ACE: variants seen among roughly 807,000 people sequenced by gnomAD.
ACE encodes angiotensin I converting enzyme.
ACE carries 122 observed loss-of-function variants against 162.3 expected under a neutral mutation model. That is an observed-to-expected ratio of 0.75 (90% CI 0.65 to 0.87). ACE has a LOEUF of 0.87. Ranked by LOEUF, ACE falls within the 40% of genes least tolerant of loss-of-function variation. ACE has a pLI of 0.00. For missense variants in ACE, 1,799 were observed against 1,735.1 expected, an observed-to-expected ratio of 1.04 and a Z score of -0.65; for synonymous variants, 796 against 720.6, an observed-to-expected ratio of 1.10 and a Z score of -1.68.
chr17:63,479,331 C>T (rs2049670003), intron 3 of ACE, among the ~76,000 whole-genome samples: 3 of 152,176 alleles, frequency 2.0e-5, no homozygotes, highest in Non-Finnish European at 4.4e-5. Context: ...ACCTCGGCCT[C>T]TCCCATCACC....
intron 15 of ACE, among the ~76,000 whole-genome samples, chr17:63,487,703 C>T (rs908697052): frequency 3.3e-5 from 5 of 152,162 alleles, no homozygotes; most frequent in African/African-American, 1.2e-4. Flanking sequence ...CAAGGACCCG[C>T]ACACAGATAC....
chr17:63,477,433 C>T lies in ACE; in HGVS notation c.249+90C>T, dbSNP rs1348340001. 5.6e-6 allele frequency: 6 copies of T among 1,067,500 alleles called. No individual in the cohort carries two copies. In the East Asian group the frequency reaches 2.4e-4, roughly 42 times the overall value. 66.1% of individuals were successfully genotyped at this position (1,067,500 alleles called of 1,614,324 possible). A position where few individuals can be genotyped will look rare whatever the true frequency, so the allele number is the denominator to read the frequency against. The stretch of plus-strand genomic sequence containing the variant: ...GCTTGTGGGGCGGGCAGGCTGGCGC[C>T]CCCGACCCGAACCCCACCCCGACCC... On this transcript the variant is annotated intron_variant, in intron 1 of 24. Transcript: ENST00000290866.
intron 15 of ACE, 66 bp downstream of exon 15, chr17:63,487,139 T>C: frequency 1.4e-6 from 2 of 1,403,898 alleles, no homozygotes; most frequent in Non-Finnish European, 2.0e-6. Flanking sequence ...CCGGGGGTGC[T>C]GGGTGAGAGC....
intron 1 of ACE, 150 bp from the exon 2 acceptor site, chr17:63,477,781 G>A: frequency 1.1e-6 from 1 of 931,866 alleles, no homozygotes; most frequent in Non-Finnish European, 1.6e-6. Flanking sequence ...CGCGGCTTCC[G>A]CAAACTAAGG....
Position 63,479,926 on chromosome 17 carries a change from T to C in ACE, c.655+14T>C. The C allele has an allele frequency of 1.2e-6, 2 of 1,603,528 alleles. No individual in the cohort carries two copies. The highest frequency in any genetic ancestry group is 1.7e-6 in the Non-Finnish European group (2 of 1,177,788). On this transcript the variant is annotated intron_variant, in intron 4 of 24. Transcript: ENST00000290866. Reference sequence around the variant, plus strand: ...ACAAGCAGGACGGTGAGCAGGCCTCTCCCTGTCCAGGAACCACGCCAGGTG... The same window carrying C: ...ACAAGCAGGACGGTGAGCAGGCCTCCCCCTGTCCAGGAACCACGCCAGGTG...
rs773921447 is a variant in ACE, at chr17:63,480,551, A to G, written c.847+23A>G. ...TGGGTAAGGACCTGGCCTCGCCTCCACATGAGTCCCACGGAAGTGTGGGTC... is the reference window on the plus strand; with the variant it reads ...TGGGTAAGGACCTGGCCTCGCCTCCGCATGAGTCCCACGGAAGTGTGGGTC... On this transcript the variant is annotated intron_variant, in intron 5 of 24. Transcript: ENST00000290866. 2.5e-6 allele frequency: 4 copies of G among 1,612,820 alleles called. No individual in the cohort carries two copies. The South Asian group carries it at 4.4e-5, about 18-fold the overall frequency.
At chr17:63,481,395 C>T (rs540195309) in intron 6 of ACE, among the ~76,000 whole-genome samples, 171 bp from the exon 7 acceptor site, 112 of 152,296 alleles carry the variant, frequency 7.4e-4, no homozygotes, top group African/African-American at 2.6e-3. Flanking sequence ...AGAGCAACAA[C>T]GCACTTTCAC....
intron 5 of ACE, 127 bp downstream of exon 5, chr17:63,480,655 A>G (rs2049691843): frequency 9.4e-7 from 1 of 1,060,916 alleles, no homozygotes; most frequent in South Asian, 1.3e-5. Flanking sequence ...GGGGCATCAT[A>G]CTGTTTGCTT....
At chr17:63,493,891 G>A in intron 20 of ACE, 31 bp from the exon 21 acceptor site, 1 of 1,614,088 alleles carries the variant, frequency 6.2e-7, no homozygotes, top group South Asian at 1.1e-5. Flanking sequence ...TAGGACCCTG[G>A]GTCTGACAGC....
chr17:63,484,813 C>T lies in ACE; in HGVS notation c.1921+272C>T, dbSNP rs776340748. ...AGGCTCTGTGAGGTCACACTGCGGG[C>T]TCCGCTCTTATTGGCCAGGGGACGG... On this transcript the variant is annotated intron_variant, in intron 12 of 24. Transcript: ENST00000290866. This position sits in a 1 kb window ranked among gnomAD's most constrained non-coding sequence, Gnocchi z 4.0. 13 of 1,515,208 alleles carry T rather than the reference C, an allele frequency of 8.6e-6. No homozygotes were observed. The highest frequency in any genetic ancestry group is 2.0e-5 in the Admixed American group (1 of 49,478). 93.9% of individuals were successfully genotyped at this position (1,515,208 alleles called of 1,614,324 possible).
chr17:63,482,455 C>G lies in ACE; in HGVS notation c.1119-11C>G, dbSNP rs369294205. On this transcript the variant is annotated splice_polypyrimidine_tract_variant and intron_variant, in intron 7 of 24. Coordinates refer to ENST00000290866, the MANE Select transcript of ACE (RefSeq NM_000789.4). The stretch of plus-strand genomic sequence containing the variant: ...TCCGTCACTCTCACCCTCGCCCTCT[C>G]TACGCCCCAGGATCAAGCAGTGCAC... The G allele has an allele frequency of 7.3e-5, 118 of 1,613,364 alleles. No homozygotes were observed. The highest frequency in any genetic ancestry group is 9.1e-5 in the Non-Finnish European group (107 of 1,179,664).
intron 9 of ACE, 91 bp downstream of exon 9, chr17:63,483,264 C>G (rs563014977): frequency 4.7e-5 from 76 of 1,600,152 alleles, no homozygotes; most frequent in Non-Finnish European, 5.6e-5. Flanking sequence ...CAGTTCTAGC[C>G]TCTCCTCTCT....
In ACE at chr17:63,486,637, G is replaced by A. The variant is rs1024570279; in HGVS notation, c.2139G>A (p.Gln713=). The A allele has an allele frequency of 6.2e-7, 1 of 1,614,230 alleles. No individual in the cohort carries two copies. Among genetic ancestry groups the A allele is most frequent in the Non-Finnish European group, 8.5e-7 (1 of 1,180,048 alleles). The change falls in exon 14 of 25, where the codon CAG becomes CAA. Residue 713 remains glutamine, a synonymous_variant. Transcript: ENST00000290866. ...GGAAGTTTGATGTGAACCAGTTGCA[G>A]AACACCACTATCAAGCGGATCATAA... ...QARKFDVNQL[Q]NTTIKRIIKK...
At chr17:63,480,209 C>T in intron 4 of ACE, 128 bp from the exon 5 acceptor site, 1 of 1,074,100 alleles carries the variant, frequency 9.3e-7, no homozygotes, top group East Asian at 2.6e-5. Context: ...GAGTGGCAAC[C>T]CCCAAGCCAA....
chr17:63,482,723 C>T (rs2049731784), intron 8 of ACE, 34 bp downstream of exon 8: 3 of 1,598,460 alleles, frequency 1.9e-6, no homozygotes, highest in African/African-American at 2.7e-5. Flanking sequence ...CACCCAGCCT[C>T]ACCTAAACCC....
chr17:63,477,547 T>G, intron 1 of ACE: 1 of 327,556 alleles, frequency 3.1e-6, no homozygotes, highest in Non-Finnish European at 4.9e-6. Flanking sequence ...GTTGGATGGA[T>G]GAGGGTGGCT....
At position 63,484,510 on chromosome 17, in the gene ACE, G is replaced by A. The variant is rs769674897; in HGVS notation, c.1890G>A (p.Pro630=). ...GCTGGCCCGAGTACCAGTGGCACCC[G>A]CCGTTGCCTGACAACTACCCGGAGG... ...VLGWPEYQWH[P]PLPDNYPEGI... is the part of the protein sequence containing the mutation. Residue 630 remains proline (P), a synonymous_variant, in exon 12 of 25, where the codon CCG becomes CCA. Coordinates refer to ENST00000290866, the MANE Select transcript of ACE (RefSeq NM_000789.4). This position sits in a 1 kb window ranked among gnomAD's most constrained non-coding sequence, Gnocchi z 4.0. 1.1e-5 allele frequency: 18 copies of A among 1,611,618 alleles called. No individual in the cohort carries two copies. The highest frequency in any genetic ancestry group is 8.9e-5 in the East Asian group (4 of 44,884).
intron 13 of ACE, chr17:63,486,153 C>T (rs1421508209): frequency 1.8e-5 from 6 of 324,960 alleles, no homozygotes; most frequent in South Asian, 1.7e-4. Flanking sequence ...TTCCTTGGCA[C>T]TTTGATCTGT....
rs745987517 is a variant in ACE at position 63,491,026 on chromosome 17, A to G, written c.2714A>G (p.Asp905Gly). 4 of 1,614,048 alleles carry G rather than the reference A, an allele frequency of 2.5e-6. No homozygotes were observed. Among genetic ancestry groups the G allele is most frequent in the African/African-American group, 1.3e-5 (1 of 74,920 alleles). Residue 905 changes from aspartate to glycine, a missense_variant, in exon 18 of 25, where the codon GAC (aspartate) becomes GGC (glycine). By Grantham distance (94) the Asp-to-Gly change is moderately conservative (BLOSUM62 -1). Transcript: ENST00000290866. This position sits in a 1 kb window ranked among gnomAD's most constrained non-coding sequence, Gnocchi z 4.4. ...VVPFPSAPSM[D>G]TTEAMLKQGW... Reference sequence around the variant, plus strand: ...CCCTTCCCTTCAGCCCCCTCGATGGACACCACAGAGGCTATGCTAAAGCAG... The same window carrying G: ...CCCTTCCCTTCAGCCCCCTCGATGGGCACCACAGAGGCTATGCTAAAGCAG...
Sources: allele counts gnomAD v4.1 joint callset (sites outside exome capture counted in the v4.1 genomes callset), GRCh38; gene constraint gnomAD v4.1.1; non-coding constraint Gnocchi (gnomAD v3.1); transcripts MANE v1.5; gene names NCBI Gene and HGNC (gene_info 2026-07-23, HGNC 2026-07-21).